Variants in CDHR3 observed in about 807,000 individuals in gnomAD.
The protein encoded by CDHR3 is cadherin-related family member 3.
CDHR3 carries 79 observed loss-of-function variants against 86.6 expected under a neutral mutation model. The ratio of observed to expected loss-of-function variants is 0.91; its 90% CI spans 0.76 to 1.10. CDHR3 has a LOEUF of 1.10. CDHR3 is among the 50% of genes least tolerant of loss of function. The pLI is 0.00. For missense variants in CDHR3, 1,081 were observed against 1,077.6 expected (o/e 1.00, Z -0.04); for synonymous variants, 421 against 402.4 (o/e 1.05, Z -0.55).
chr7:105,966,953 T>TA (rs1491570578), intron 1 of CDHR3, among the ~76,000 whole-genome samples: 1 of 20,300 alleles, frequency 4.9e-5, no homozygotes, highest in African/African-American at 8.5e-5. Flanking sequence ...CCACAATTAC[T>TA]TTTTTTTTTT....
Position 105,982,982 on chromosome 7 carries a change from CAAA to C in CDHR3, c.416-1191_416-1189del, listed in dbSNP as rs57923583. On this transcript the variant is annotated intron_variant, in intron 3 of 18. Coordinates refer to ENST00000317716, the MANE Select transcript of CDHR3 (RefSeq NM_152750.5). ...TGGGTTACAAAGCAAGACCCTATCT[CAAA>C]AAAAAAAAAAAAAAAAAATCTTGAC... Among the ~76,000 whole-genome samples the C allele has an allele frequency of 5.8e-3, 753 of 130,574 alleles. 3 individuals carry two copies. Among genetic ancestry groups the C allele is most frequent in the African/African-American group, 0.013 (429 of 33,656 alleles). The allele number at this position is 130,574 out of a possible 152,430, so 85.7% of individuals were successfully genotyped here. A position where few individuals can be genotyped will look rare whatever the true frequency, so the allele number is the denominator to read the frequency against.
At chr7:105,991,877 A>C (rs2115734685) in intron 4 of CDHR3, among the ~76,000 whole-genome samples, 1 of 152,344 alleles carries the variant, frequency 6.6e-6, no homozygotes, top group Middle Eastern at 3.4e-3. Context: ...GCATTGTTCT[A>C]GCACTTTATA....
chr7:106,003,989 C>CAAAAAAA (rs55815648), intron 7 of CDHR3, among the ~76,000 whole-genome samples: 16 of 79,912 alleles, frequency 2.0e-4, no homozygotes, highest in African/African-American at 2.9e-4. Flanking sequence ...CCAACCTAAC[C>CAAAAAAA]AAAAAAAAAA....
chr7:106,004,104 C>T (rs1833611380), intron 7 of CDHR3, among the ~76,000 whole-genome samples: 1 of 152,098 alleles, frequency 6.6e-6, no homozygotes, highest in Non-Finnish European at 1.5e-5. Flanking sequence ...GGATGTGACC[C>T]AGTGCTGCTC....
At chr7:106,014,698 T>C (rs549042558) in intron 9 of CDHR3, among the ~76,000 whole-genome samples, 3 of 152,324 alleles carry the variant, frequency 2.0e-5, no homozygotes, top group Admixed American at 2.0e-4. Context: ...ATTATAGTAC[T>C]GTACTCACTA....
At chr7:105,966,664 C>A (rs550774310) in intron 1 of CDHR3, among the ~76,000 whole-genome samples, 2 of 152,346 alleles carry the variant, frequency 1.3e-5, no homozygotes, top group African/African-American at 4.8e-5. Context: ...CGTCATGTCA[C>A]TTTCCTGTTC....
intron 2 of CDHR3, among the ~76,000 whole-genome samples, chr7:105,976,326 A>T (rs1828806263): frequency 1.3e-5 from 2 of 152,148 alleles, no homozygotes; most frequent in African/African-American, 4.8e-5. Flanking sequence ...CTTTTCACAG[A>T]TGGGGAAAAT....
At chr7:106,013,158 G>A in intron 9 of CDHR3, 127 bp downstream of exon 9, 4 of 741,854 alleles carry the variant, frequency 5.4e-6, no homozygotes, top group East Asian at 2.9e-5. Context: ...TAACTGACAG[G>A]CTTAATAGTG....
chr7:106,005,804 C>T (rs764212420), intron 8 of CDHR3, among the ~76,000 whole-genome samples: 2 of 152,154 alleles, frequency 1.3e-5, no homozygotes, highest in Non-Finnish European at 2.9e-5. Context: ...TTAAAGGATC[C>T]ATGTGACCTC....
Position 106,004,496 on chromosome 7 carries a change from A to T in CDHR3, c.863-2A>T. The T allele has an allele frequency of 6.2e-7, 1 of 1,612,820 alleles. No individual in the cohort carries two copies. The highest frequency in any genetic ancestry group is 8.5e-7 in the Non-Finnish European group (1 of 1,179,264). ...GTCACGTTCTAACCTTTGCTTTCTC[A>T]GTGACTGGTACAATCCAAGTGGCCC... On this transcript the variant is annotated splice_acceptor_variant, in intron 7 of 18. Coordinates refer to ENST00000317716, the MANE Select transcript of CDHR3 (RefSeq NM_152750.5). LOFTEE classifies it high-confidence loss of function.
intron 8 of CDHR3, among the ~76,000 whole-genome samples, chr7:106,010,806 C>G (rs1460817585): frequency 6.6e-6 from 1 of 152,114 alleles, no homozygotes; most frequent in East Asian, 1.9e-4. Context: ...CAAGGCTGGG[C>G]AAGTCATCAG....
chr7:106,001,599 T>C lies in CDHR3; in HGVS notation c.851T>C (p.Met284Thr). The C allele has an allele frequency of 1.9e-6, 3 of 1,614,016 alleles. No homozygotes were observed. The highest frequency in any genetic ancestry group is 2.2e-5 in the East Asian group (1 of 44,884). The change falls in exon 7 of 19, where the codon ATG (methionine) becomes ACG (threonine). Residue 284 changes from methionine (M) to threonine (T), a missense_variant. Physicochemically the swap from Met to Thr is moderately conservative, Grantham distance 81. Coordinates refer to ENST00000317716, the MANE Select transcript of CDHR3 (RefSeq NM_152750.5). ...YSITTVSKYF[M>T]INQLTGTIQV... ...ATTACCACTGTTAGCAAATATTTCA[T>C]GATAAATCAGTGTAAGCCACTCACT...
At chr7:105,966,162 C>T (rs1826892524) in intron 1 of CDHR3, among the ~76,000 whole-genome samples, 1 of 152,174 alleles carries the variant, frequency 6.6e-6, no homozygotes, top group South Asian at 2.1e-4. Context: ...CAAAGGATCA[C>T]ATGTGAGTCC....
rs942771775 is a variant in CDHR3, at chr7:105,967,640, C to T, written c.46+4276C>T. Reference sequence around the variant, plus strand: ...TGTTGTTTCCTGACTTTTTAATGATCACCATTCTAACTGGTGTAAGATGGT... The same window carrying T: ...TGTTGTTTCCTGACTTTTTAATGATTACCATTCTAACTGGTGTAAGATGGT... On this transcript the variant is annotated intron_variant, in intron 1 of 18. Transcript: ENST00000317716. Among the ~76,000 whole-genome samples, 14 of 152,250 alleles carry T rather than the reference C, an allele frequency of 9.2e-5. 2 individuals carry two copies. The South Asian group carries it at 1.2e-3, about 14-fold the overall frequency.
At position 106,032,955 on chromosome 7, in the gene CDHR3, A is replaced by T; in HGVS notation, c.*258A>T. ...TGTGCTTCTGATAAGCAAGACTGTT[A>T]ACTTTGGGGTGTGGAATTGTTGTGT... is the stretch of plus-strand genomic sequence containing the variant. On this transcript the variant is annotated 3_prime_UTR_variant, in exon 19 of 19. Coordinates refer to ENST00000317716, the MANE Select transcript of CDHR3 (RefSeq NM_152750.5). 1 of 470,416 alleles carries T rather than the reference A, an allele frequency of 2.1e-6. No homozygotes were observed. The highest frequency in any genetic ancestry group is 3.8e-6 in the Non-Finnish European group (1 of 264,288). The allele number at this position is 470,416 out of a possible 1,614,324, so 29.1% of individuals were successfully genotyped here.
At chr7:106,010,264 C>A (rs543918890) in intron 8 of CDHR3, among the ~76,000 whole-genome samples, 189 of 152,316 alleles carry the variant, frequency 1.2e-3, no homozygotes, top group Non-Finnish European at 2.0e-3. Flanking sequence ...GATACATCCA[C>A]TTTCCTGGAC....
At chr7:106,031,289 C>T (rs1838319080) in intron 18 of CDHR3, among the ~76,000 whole-genome samples, 1 of 152,160 alleles carries the variant, frequency 6.6e-6, no homozygotes, top group Admixed American at 6.5e-5. Context: ...AGTGTAGTTT[C>T]TTTTTTCCCT....
At position 105,974,891 on chromosome 7, in the gene CDHR3, G is replaced by T; in HGVS notation, c.94G>T (p.Ala32Ser). 1 of 1,613,802 alleles carries T rather than the reference G, an allele frequency of 6.2e-7. No homozygotes were observed. The highest frequency in any genetic ancestry group is 8.5e-7 in the Non-Finnish European group (1 of 1,179,770). ...CCTCTTACCTGCTACAGGCAATGTG[G>T]CAGAGAATTCTCCACCTGGGACTTC... The part of the protein sequence containing the change: ...LILLPATGNV[A>S]ENSPPGTSVH... The change falls in exon 2 of 19, where the codon GCA becomes TCA. Residue 32 changes from alanine to serine, a missense_variant. Transcript: ENST00000317716.
chr7:106,027,778 G>T (rs1028667526), intron 16 of CDHR3: 1 of 359,768 alleles, frequency 2.8e-6, no homozygotes, highest in Non-Finnish European at 5.6e-6. Context: ...TATTGACAGA[G>T]ATGATTTTAA....
Sources: allele counts gnomAD v4.1 joint callset (sites outside exome capture counted in the v4.1 genomes callset), GRCh38; gene constraint gnomAD v4.1.1; transcripts MANE v1.5; gene names NCBI Gene and HGNC (gene_info 2026-07-23, HGNC 2026-07-21).